The following PACSIN2 variants were observed in gnomAD, a reference collection of about 807,000 sequenced individuals.
PACSIN2 encodes protein kinase C and casein kinase substrate in neurons protein 2.
PACSIN2 carries 25 observed loss-of-function variants against 63.8 expected under a neutral mutation model. The ratio of observed to expected loss-of-function variants is 0.39; its 90% CI spans 0.29 to 0.55. The LOEUF is 0.55. Ranked by LOEUF, PACSIN2 falls within the 20% of genes least tolerant of loss-of-function variation. The probability of loss-of-function intolerance (pLI) is 0.62; values close to 1 mark genes in which losing one functional copy is unlikely to be tolerated. For synonymous variants in PACSIN2, 255 were observed against 256.2 expected, an observed-to-expected ratio of 1.00 and a Z score of 0.05; for missense variants, 518 against 646.9, an observed-to-expected ratio of 0.80 and a Z score of 2.16.
intron 1 of PACSIN2, among the ~76,000 whole-genome samples, chr22:42,964,418 G>GAAA (rs34545773): frequency 3.8e-4 from 51 of 135,258 alleles, no homozygotes; most frequent in Middle Eastern, 3.8e-3. Flanking sequence ...ACTCCGTCTG[G>GAAA]AAAAAAAAAA....
chr22:43,000,469 C>A (rs1436362819), intron 1 of PACSIN2, among the ~76,000 whole-genome samples: 1 of 152,230 alleles, frequency 6.6e-6, no homozygotes, highest in Non-Finnish European at 1.5e-5. Context: ...GAGGAGGTTT[C>A]TCTCTCTACT....
At position 42,903,189 on chromosome 22, in the gene PACSIN2, A is replaced by C. The variant is rs183126403; in HGVS notation, c.60+8832T>G. On this transcript the variant is annotated intron_variant, in intron 2 of 10. Transcript: ENST00000263246. ...GTCCCAGGCAGCTAGAGGGGGCTCC[A>C]GGACTGAGTCCCTTCTCCTCAGGAC... is the stretch of plus-strand genomic sequence containing the variant. Among the ~76,000 whole-genome samples, 23 of 152,322 alleles carry C rather than the reference A, an allele frequency of 1.5e-4. No homozygotes were observed. In the South Asian group the frequency reaches 4.6e-3, roughly 30 times the overall value.
intron 1 of PACSIN2, among the ~76,000 whole-genome samples, chr22:42,913,546 T>G (rs1462099753): frequency 1.3e-5 from 2 of 148,516 alleles, no homozygotes; most frequent in East Asian, 3.9e-4. Flanking sequence ...TTGCTGCAAG[T>G]CAAATATATA....
chr22:42,876,227 CG>C lies in PACSIN2; in HGVS notation c.1257del (p.Phe419LeufsTer27), dbSNP rs1569204862. ...STDANGDSNPFDDDATSGTEV... is the reference protein window; with the variant it reads ...STDANGDSNPXDDDATSGTEV... Reference sequence around the variant, plus strand: ...TCCGTCCCCGAGGTGGCGTCGTCGTCGAATGGATTCGAGTCCCCATTGGCAT... The same window carrying C: ...TCCGTCCCCGAGGTGGCGTCGTCGTCAATGGATTCGAGTCCCCATTGGCAT... On this transcript the variant is annotated frameshift_variant, in exon 10 of 11. Transcript: ENST00000263246. LOFTEE classifies it high-confidence loss of function. The C allele has an allele frequency of 6.2e-7, 1 of 1,614,212 alleles. No individual in the cohort carries two copies. Among genetic ancestry groups the C allele is most frequent in the South Asian group, 1.1e-5 (1 of 91,086 alleles).
At chr22:42,938,093 T>G (rs1932989073) in intron 1 of PACSIN2, among the ~76,000 whole-genome samples, 1 of 152,212 alleles carries the variant, frequency 6.6e-6, no homozygotes, top group Non-Finnish European at 1.5e-5. Flanking sequence ...GCCATTTAAG[T>G]CGAGCAAAAT....
chr22:42,882,235 C>A lies in PACSIN2; in HGVS notation c.855G>T (p.Trp285Cys). 1.2e-6 allele frequency: 2 copies of A among 1,614,026 alleles called. No individual in the cohort carries two copies. The highest frequency in any genetic ancestry group is 1.1e-5 in the South Asian group (1 of 91,078). Residue 285 changes from tryptophan to cysteine, a missense_variant, in exon 7 of 11, where the codon TGG becomes TGT. By Grantham distance (215) the Trp-to-Cys change is radical. Around this residue, in one of 2 missense-constraint regions of PACSIN2, gnomAD observed 507 missense variants for 612.3 expected, o/e 0.83. Transcript: ENST00000263246. Reference sequence around the variant, plus strand: ...TGCCCGGCCCGTGATTGGCTCGGAACCACCTCAGGTCCTCCACTGCATCAG... The same window carrying A: ...TGCCCGGCCCGTGATTGGCTCGGAAACACCTCAGGTCCTCCACTGCATCAG... ...RAADAVEDLR[W>C]FRANHGPGMA...
intron 1 of PACSIN2, among the ~76,000 whole-genome samples, chr22:42,964,121 T>A (rs1920934252): frequency 6.6e-6 from 1 of 152,216 alleles, no homozygotes; most frequent in African/African-American, 2.4e-5. Context: ...CATTGTGTTT[T>A]ACAAGGTGAT....
intron 1 of PACSIN2, among the ~76,000 whole-genome samples, chr22:42,992,759 C>A (rs116435257): frequency 5.7e-4 from 87 of 152,262 alleles, no homozygotes; most frequent in African/African-American, 1.9e-3. Flanking sequence ...TGTAGCATGC[C>A]CATGCATTGG....
intron 1 of PACSIN2, among the ~76,000 whole-genome samples, chr22:42,921,898 C>T (rs977127799): frequency 6.6e-6 from 1 of 152,114 alleles, no homozygotes; most frequent in Non-Finnish European, 1.5e-5. Context: ...ACCACCATGC[C>T]AGGCTAATTT....
chr22:42,993,134 A>G (rs997355146), intron 1 of PACSIN2, among the ~76,000 whole-genome samples: 2 of 152,072 alleles, frequency 1.3e-5, no homozygotes, highest in African/African-American at 2.4e-5. Flanking sequence ...AGATTGCACC[A>G]CTGCACTCCA....
rs2267484 is a variant in PACSIN2 at position 42,986,092 on chromosome 22, G to A, written c.-78+28929C>T. On this transcript the variant is annotated intron_variant, in intron 1 of 10. Transcript: ENST00000263246. The stretch of plus-strand genomic sequence containing the variant: ...GTAGTTTTAGCCAAGCACCCTCAAG[G>A]TGATTTCCCTTTCCCCAGAATTAAC... 0.039 allele frequency among the ~76,000 whole-genome samples: 5,941 copies of A among 152,270 alleles called. 719 individuals are homozygous for A. In the East Asian group the frequency reaches 0.47, roughly 12 times the overall value.
At chr22:42,990,428 C>T (rs139954070) in intron 1 of PACSIN2, among the ~76,000 whole-genome samples, 22 of 152,278 alleles carry the variant, frequency 1.4e-4, no homozygotes, top group African/African-American at 4.1e-4. Flanking sequence ...CCCTGCCCTC[C>T]GCCTACCCAG....
intron 1 of PACSIN2, among the ~76,000 whole-genome samples, chr22:43,003,220 TTG>T (rs1923874938): frequency 6.6e-6 from 1 of 152,202 alleles, no homozygotes; most frequent in Admixed American, 6.6e-5. Context: ...ACTCAGAACA[TTG>T]TTTTCTATGT....
chr22:42,878,868 G>A (rs565185880), intron 8 of PACSIN2, among the ~76,000 whole-genome samples, 180 bp downstream of exon 8: 2 of 151,968 alleles, frequency 1.3e-5, no homozygotes, highest in Non-Finnish European at 2.9e-5. Context: ...CCTGGGCCAC[G>A]GCCCACAGAG....
chr22:42,991,800 G>C (rs1923059876), intron 1 of PACSIN2, among the ~76,000 whole-genome samples: 2 of 124,442 alleles, frequency 1.6e-5, no homozygotes, highest in South Asian at 5.2e-4. Flanking sequence ...GAAACAACTG[G>C]CTATCCACAG....
chr22:42,931,365 T>C (rs1314923279), intron 1 of PACSIN2, among the ~76,000 whole-genome samples: 2 of 152,210 alleles, frequency 1.3e-5, no homozygotes, highest in Non-Finnish European at 2.9e-5. Context: ...AGGACTGAAG[T>C]AGCTGCTTTC....
In PACSIN2 at chr22:42,952,164, T is replaced by C. The variant is rs183787177; in HGVS notation, c.-77-40007A>G. Among the ~76,000 whole-genome samples the C allele has an allele frequency of 2.5e-4, 38 of 152,314 alleles. No homozygotes were observed. The East Asian group carries it at 5.4e-3, about 22-fold the overall frequency. On this transcript the variant is annotated intron_variant, in intron 1 of 10. Transcript: ENST00000263246. ...TTCCTTATGCACCAGGATTTTGCCT[T>C]GTTTGCCCGTGTTCCTACCACTGAT...
At chr22:42,959,946 TC>T (rs769281404) in intron 1 of PACSIN2, 5 of 152,224 alleles carry the variant, frequency 3.3e-5, no homozygotes, top group African/African-American at 4.8e-5. Context: ...ATAAGGTCAT[TC>T]CCATACACTG....
At chr22:42,873,012 C>T (rs930939750) in intron 10 of PACSIN2, among the ~76,000 whole-genome samples, 1 of 152,240 alleles carries the variant, frequency 6.6e-6, no homozygotes, top group Non-Finnish European at 1.5e-5. Context: ...CCTGTAACCC[C>T]ACACTACCAT....
Sources: gnomAD v4.1 joint callset for allele counts (sites outside exome capture counted in the v4.1 genomes callset) on GRCh38, gnomAD v4.1.1 for gene constraint, gnomAD v4.1.1 regional missense constraint, MANE v1.5 for transcripts, NCBI Gene and HGNC (gene_info 2026-07-23, HGNC 2026-07-21) for gene names.